The following SRRM4 variants were observed in gnomAD, a reference collection of about 807,000 sequenced individuals.
The protein encoded by SRRM4 is serine/arginine repetitive matrix protein 4.
In SRRM4, 33 loss-of-function variants were observed where a neutral mutation model predicts 68.9. The ratio of observed to expected loss-of-function variants is 0.48; its 90% CI spans 0.36 to 0.64. The LOEUF is 0.64. SRRM4 is among the 30% of genes least tolerant of loss of function. The pLI is 0.00. For synonymous variants in SRRM4, 318 were observed against 318.8 expected (o/e 1.00, Z 0.03); for missense variants, 817 against 827.1 (o/e 0.99, Z 0.15).
intron 1 of SRRM4, chr12:118,992,332 T>G (rs943380482): frequency 1.3e-5 from 2 of 152,140 alleles, no homozygotes; most frequent in Admixed American, 1.3e-4. Flanking sequence ...AGACATGACA[T>G]CCCGCCCCCT....
At chr12:119,153,719 C>A in intron 11 of SRRM4, 70 bp downstream of exon 11, 1 of 1,129,554 alleles carries the variant, frequency 8.9e-7, no homozygotes, top group Non-Finnish European at 1.3e-6. Flanking sequence ...TCCTCTCTGG[C>A]CCCGCCTCCC....
rs1047737641 is a variant in SRRM4, at chr12:119,131,392, G to A, written c.771+558G>A. On this transcript the variant is annotated intron_variant, in intron 8 of 12. Coordinates refer to ENST00000267260, the MANE Select transcript of SRRM4 (RefSeq NM_194286.4). ...GTAGCCACACAAGGTCTTGGGAGTT[G>A]AGGGCACAGCTGTTCTCACTAGTCC... Among the ~76,000 whole-genome samples, 8 of 152,290 alleles carry A rather than the reference G, an allele frequency of 5.3e-5. No individual in the cohort carries two copies. In the East Asian group the frequency reaches 5.8e-4, roughly 11 times the overall value.
chr12:119,045,392 A>G (rs1330946967), intron 1 of SRRM4, among the ~76,000 whole-genome samples: 1 of 151,456 alleles, frequency 6.6e-6, no homozygotes. Context: ...CCATAAGGAG[A>G]AAGGGCAGAG....
rs542442858 is a variant in SRRM4 at position 119,158,826 on chromosome 12, A to C, written c.*2028A>C. The C allele has an allele frequency of 2.0e-5, 3 of 152,660 alleles. No individual in the cohort carries two copies. The highest frequency in any genetic ancestry group is 7.2e-5 in the African/African-American group (3 of 41,456). The allele number at this position is 152,660 out of a possible 1,614,324, so 9.5% of individuals were successfully genotyped here. A position where few individuals can be genotyped will look rare whatever the true frequency, so the allele number is the denominator to read the frequency against. ...CCTCACGTTCGGACTGCCTTCATCAAGACAACTCTAGGGGACCATTTTGCC... is the reference window on the plus strand; with the variant it reads ...CCTCACGTTCGGACTGCCTTCATCACGACAACTCTAGGGGACCATTTTGCC... On this transcript the variant is annotated 3_prime_UTR_variant, in exon 13 of 13. Transcript: ENST00000267260.
intron 1 of SRRM4, among the ~76,000 whole-genome samples, chr12:119,054,923 T>C (rs918899551): frequency 6.6e-6 from 1 of 152,176 alleles, no homozygotes; most frequent in Non-Finnish European, 1.5e-5. Flanking sequence ...GCTCTGGTTG[T>C]CCTGGCTTTG....
chr12:119,145,499 C>A lies in SRRM4; in HGVS notation c.890C>A (p.Thr297Lys). Residue 297 changes from threonine to lysine, a missense_variant, in exon 9 of 13, where the codon ACG (threonine) becomes AAG (lysine). Physicochemically the swap from Thr to Lys is moderately conservative, Grantham distance 78 (BLOSUM62 -1). Coordinates refer to ENST00000267260, the MANE Select transcript of SRRM4 (RefSeq NM_194286.4). ...AATGACACGTCCTCGCCACCCTCCA[C>A]GCAAACCAGCTCAGCCAGGTCTCGG... is the stretch of plus-strand genomic sequence containing the variant. ...SGNDTSSPPS[T>K]QTSSARSRGQ... is the part of the protein sequence containing the mutation. 6.2e-7 allele frequency: 1 copy of A among 1,610,510 alleles called. No individual in the cohort carries two copies.
At chr12:119,130,984 A>T in intron 8 of SRRM4, 150 bp downstream of exon 8, 1 of 886,464 alleles carries the variant, frequency 1.1e-6, no homozygotes, top group Non-Finnish European at 1.6e-6. Context: ...GATGAACCAA[A>T]TGATCATTCA....
chr12:119,130,875 G>A (rs553120525), intron 8 of SRRM4, 41 bp downstream of exon 8: 17 of 1,580,044 alleles, frequency 1.1e-5, no homozygotes, highest in Admixed American at 5.2e-5. Context: ...CCTTGGCCAC[G>A]ACACTTGGGG....
intron 1 of SRRM4, among the ~76,000 whole-genome samples, chr12:119,087,091 G>A (rs757157576): frequency 1.3e-4 from 20 of 152,314 alleles, no homozygotes; most frequent in Non-Finnish European, 2.2e-4. Context: ...GAGTCAGATC[G>A]TCTGGGTTCA....
intron 1 of SRRM4, among the ~76,000 whole-genome samples, chr12:119,097,999 C>T (rs1455271942): frequency 2.0e-5 from 3 of 152,322 alleles, no homozygotes; most frequent in Admixed American, 2.0e-4. Context: ...GAATTATATT[C>T]TTATGTGTCT....
At chr12:119,021,267 AG>A (rs144288900) in intron 1 of SRRM4, among the ~76,000 whole-genome samples, 43 of 152,348 alleles carry the variant, frequency 2.8e-4, no homozygotes, top group African/African-American at 1.0e-3. Flanking sequence ...AGTTTACTTA[AG>A]GAAAAAAAAG....
At chr12:119,122,244 AAGGAAGGCAGGAAGGCAGGAAGGC>A (rs546863868) in intron 6 of SRRM4, 124 bp downstream of exon 6, 26 of 375,366 alleles carry the variant, frequency 6.9e-5, no homozygotes, top group Admixed American at 1.7e-4. Context: ...GAGCGGGTGA[AAGGAAGGCAGGAAGGCAGGAAGGC>A]AGGAAGGCAG....
chr12:119,077,697 G>T (rs1036740638), intron 1 of SRRM4, among the ~76,000 whole-genome samples: 2 of 152,012 alleles, frequency 1.3e-5, no homozygotes, highest in African/African-American at 4.8e-5. Flanking sequence ...TTAATTCAAG[G>T]GTTATGTATT....
At chr12:119,029,886 C>A (rs12578916) in intron 1 of SRRM4, among the ~76,000 whole-genome samples, 62 of 152,144 alleles carry the variant, frequency 4.1e-4, no homozygotes, top group Middle Eastern at 3.4e-3. Context: ...CTGGTAGGAG[C>A]GAATTCTAAT....
At position 119,116,925 on chromosome 12, in the gene SRRM4, T is replaced by C. The variant is rs2136049691; in HGVS notation, c.366-12T>C. On this transcript the variant is annotated splice_polypyrimidine_tract_variant and intron_variant, in intron 3 of 12. Transcript: ENST00000267260. ...AGCCTCCTTCTGAAATGTGTCTTCT[T>C]GGCCCTGGCAGGTCCTCATCCTATA... 1.9e-6 allele frequency: 3 copies of C among 1,613,136 alleles called. No homozygotes were observed. The highest frequency in any genetic ancestry group is 2.5e-6 in the Non-Finnish European group (3 of 1,179,518).
chr12:119,014,747 G>A (rs1953470827), intron 1 of SRRM4, among the ~76,000 whole-genome samples: 1 of 152,198 alleles, frequency 6.6e-6, no homozygotes. Flanking sequence ...AGAGGGTTGG[G>A]AGGGGATGGC....
intron 8 of SRRM4, among the ~76,000 whole-genome samples, chr12:119,137,143 AG>A (rs1954333912): frequency 1.3e-5 from 2 of 151,974 alleles, no homozygotes; most frequent in African/African-American, 2.4e-5. Context: ...TCTAGCTAAA[AG>A]CTCTACCATA....
rs562056303 is a variant in SRRM4 at position 119,145,559 on chromosome 12, G to C, written c.950G>C (p.Ser317Thr). ...QEKGSPSGGL[S>T]KSRELNSGNT... is the part of the protein sequence containing the mutation. The stretch of plus-strand genomic sequence containing the variant: ...AAGGGGAGCCCCAGTGGGGGCTTGA[G>C]CAAGAGCCGGGAGCTCAACAGTGGC... Residue 317 changes from serine to threonine, a missense_variant, in exon 9 of 13, where the codon AGC becomes ACC. Transcript: ENST00000267260. 8.0e-5 allele frequency: 129 copies of C among 1,605,846 alleles called. No homozygotes were observed. The African/African-American group carries it at 1.6e-3, about 20-fold the overall frequency.
intron 1 of SRRM4, among the ~76,000 whole-genome samples, chr12:119,083,109 A>T (rs1033281891): frequency 6.6e-6 from 1 of 152,002 alleles, no homozygotes; most frequent in African/African-American, 2.4e-5. Flanking sequence ...GAGCACAGCC[A>T]TGTGCTGCAG....
Sources: allele counts gnomAD v4.1 joint callset (sites outside exome capture counted in the v4.1 genomes callset), GRCh38; gene constraint gnomAD v4.1.1; transcripts MANE v1.5; gene names NCBI Gene and HGNC (gene_info 2026-07-23, HGNC 2026-07-21).